Variants in SLC38A8 observed in about 807,000 individuals in gnomAD.
SLC38A8 encodes the protein solute carrier family 38 member 8.
A neutral mutation model predicts 46.0 loss-of-function variants in SLC38A8; 65 were observed. The ratio of observed to expected loss-of-function variants is 1.41; its 90% confidence interval spans 1.16 to 1.74. SLC38A8 has a LOEUF of 1.74. Among genes scored for constraint, SLC38A8 ranks in the 40% most tolerant of loss-of-function variants. The pLI is 0.00. For synonymous variants in SLC38A8, 447 were observed against 243.7 expected, an observed-to-expected ratio of 1.83 and a Z score of -7.77; for missense variants, 998 against 567.9, an observed-to-expected ratio of 1.76 and a Z score of -7.70.
chr16:84,012,509 C>T (rs1465487340), intron 10 of SLC38A8, among the ~76,000 whole-genome samples: 1 of 152,184 alleles, frequency 6.6e-6, no homozygotes, highest in Non-Finnish European at 1.5e-5. Context: ...CATCCGGGCC[C>T]GCCTCCTCAG....
At chr16:84,023,356 G>A (rs141714575) in intron 6 of SLC38A8, among the ~76,000 whole-genome samples, 1 of 152,108 alleles carries the variant, frequency 6.6e-6, no homozygotes, top group Admixed American at 6.6e-5. Flanking sequence ...CTTTGCTCGG[G>A]TGTGCTCTGA....
intron 5 of SLC38A8, among the ~76,000 whole-genome samples, chr16:84,031,603 C>T (rs1426259314): frequency 6.6e-6 from 1 of 152,242 alleles, no homozygotes; most frequent in Non-Finnish European, 1.5e-5. Flanking sequence ...TCTGCAATAA[C>T]CTATGACCCC....
chr16:84,042,977 C>T (rs1055554297), upstream of SLC38A8, among the ~76,000 whole-genome samples: 5 of 152,164 alleles, frequency 3.3e-5, no homozygotes, highest in Admixed American at 1.3e-4. Context: ...GCTTCTGCAG[C>T]GCCTCCATCC....
chr16:84,009,808 C>T lies in SLC38A8; in HGVS notation c.1284G>A (p.Ala428=), dbSNP rs140069328. ...ATCAGAACATCTCCCAGACCGCTGCCGCCGTGCTCTGCCCAAAGATGAAGG... is the reference window on the plus strand; with the variant it reads ...ATCAGAACATCTCCCAGACCGCTGCTGCCGTGCTCTGCCCAAAGATGAAGG... ...VGTFIFGQST[A]AAVWEMF The change falls in exon 11 of 11, where the codon GCG becomes GCA. Residue 428 remains alanine (A), a synonymous_variant. Transcript: ENST00000299709. The T allele has an allele frequency of 3.8e-5, 62 of 1,613,902 alleles. No individual in the cohort carries two copies. Among genetic ancestry groups the T allele is most frequent in the Non-Finnish European group, 4.8e-5 (57 of 1,179,948 alleles).
At chr16:84,015,798 C>T (rs181769574) in intron 9 of SLC38A8, among the ~76,000 whole-genome samples, 4 of 152,260 alleles carry the variant, frequency 2.6e-5, no homozygotes, top group South Asian at 2.1e-4. Context: ...CTCCGCCTCC[C>T]GGGTTCAAGT....
intron 5 of SLC38A8, among the ~76,000 whole-genome samples, chr16:84,030,332 C>A (rs1464708415): frequency 2.0e-5 from 3 of 152,154 alleles, no homozygotes; most frequent in South Asian, 2.1e-4. Flanking sequence ...CCTAACTCAT[C>A]ACCTCCTGTT....
In SLC38A8 at chr16:84,033,393, C is replaced by A; in HGVS notation, c.465G>T (p.Leu155=). The stretch of plus-strand genomic sequence containing the variant: ...GGGGCAGGATGACCAGCACGGAGAG[C>A]AGGGGCAGGGTGAAGCGCTGGTCTG... ...WYADQRFTLP[L]LSVLVILPLS... Residue 155 remains leucine, a synonymous_variant, in exon 4 of 11, where the codon CTG becomes CTT. Coordinates refer to ENST00000299709, the MANE Select transcript of SLC38A8 (RefSeq NM_001080442.3). The A allele has an allele frequency of 1.2e-6, 2 of 1,613,916 alleles. No homozygotes were observed. The highest frequency in any genetic ancestry group is 1.7e-6 in the Non-Finnish European group (2 of 1,179,944).
chr16:84,016,341 A>C (rs573856248), intron 9 of SLC38A8, among the ~76,000 whole-genome samples, 178 bp downstream of exon 9: 1 of 152,336 alleles, frequency 6.6e-6, no homozygotes, highest in African/African-American at 2.4e-5. Flanking sequence ...GAGTGAGGGA[A>C]GGTATGTAAA....
At chr16:84,039,747 A>ACC (rs2085346698) in intron 2 of SLC38A8, among the ~76,000 whole-genome samples, 3 of 75,068 alleles carry the variant, frequency 4.0e-5, no homozygotes, top group Non-Finnish European at 5.2e-5. Context: ...GACCTTCAAA[A>ACC]AAAAAAAAAA....
At chr16:84,014,957 T>A (rs542428999) in intron 9 of SLC38A8, among the ~76,000 whole-genome samples, 1 of 152,248 alleles carries the variant, frequency 6.6e-6, no homozygotes, top group Non-Finnish European at 1.5e-5. Context: ...ATGCCCCCAT[T>A]CGAGTTTTGG....
intron 10 of SLC38A8, 150 bp downstream of exon 10, chr16:84,012,851 T>G: frequency 2.3e-6 from 2 of 872,308 alleles, no homozygotes; most frequent in Non-Finnish European, 3.6e-6. Flanking sequence ...GCCCTCATAC[T>G]GGGTAGACAG....
At chr16:84,016,428 T>A (rs2085026068) in intron 9 of SLC38A8, 91 bp downstream of exon 9, 4 of 1,457,766 alleles carry the variant, frequency 2.7e-6, no homozygotes, top group Non-Finnish European at 2.8e-6. Context: ...GCTCCCACCT[T>A]CCAGAACCTT....
intron 6 of SLC38A8, among the ~76,000 whole-genome samples, chr16:84,028,850 T>G (rs2085200614): frequency 6.6e-6 from 1 of 152,152 alleles, no homozygotes; most frequent in East Asian, 1.9e-4. Flanking sequence ...ACCTGGCTGC[T>G]GCCCATACAT....
rs369234980 is a variant in SLC38A8, at chr16:84,009,809, G to A, written c.1283C>T (p.Ala428Val). 34 of 1,613,820 alleles carry A rather than the reference G, an allele frequency of 2.1e-5. No homozygotes were observed. Among genetic ancestry groups the A allele is most frequent in the Middle Eastern group, 1.6e-4 (1 of 6,084 alleles). Residue 428 changes from alanine to valine, a missense_variant, in exon 11 of 11, where the codon GCG becomes GTG. By Grantham distance (64) the Ala-to-Val change is moderately conservative. Transcript: ENST00000299709. ...VGTFIFGQST[A>V]AAVWEMF is the part of the protein sequence containing the mutation. ...TCAGAACATCTCCCAGACCGCTGCC[G>A]CCGTGCTCTGCCCAAAGATGAAGGT...
Position 84,042,131 on chromosome 16 carries a change from C to T in SLC38A8, c.27G>A (p.Arg9=), listed in dbSNP as rs371024899. ...CAGGGTGAGGCTTTTCTGGAAGGCC[C>T]CTGCTTCCTGGGGTCTGTCCCTCCA... MEGQTPGS[R]GLPEKPHPAT... Residue 9 remains arginine, a synonymous_variant, in exon 2 of 11, where the codon AGG becomes AGA. Coordinates refer to ENST00000299709, the MANE Select transcript of SLC38A8 (RefSeq NM_001080442.3). The T allele has an allele frequency of 5.6e-6, 9 of 1,613,278 alleles. No homozygotes were observed. The highest frequency in any genetic ancestry group is 6.8e-6 in the Non-Finnish European group (8 of 1,179,662).
intron 9 of SLC38A8, among the ~76,000 whole-genome samples, chr16:84,014,467 G>A (rs950091593): frequency 2.6e-5 from 4 of 151,566 alleles, no homozygotes; most frequent in Non-Finnish European, 5.9e-5. Context: ...CAGAGTCGAG[G>A]GAGGAGCTGT....
Position 84,036,906 on chromosome 16 carries a change from G to A in SLC38A8, c.190-6C>T, listed in dbSNP as rs776193533. On this transcript the variant is annotated splice_polypyrimidine_tract_variant and splice_region_variant and intron_variant, in intron 2 of 10. Coordinates refer to ENST00000299709, the MANE Select transcript of SLC38A8 (RefSeq NM_001080442.3). ...ATCAGGAAGACCAACGAGACCTGCG[G>A]AGAAGGAGCAGGACCTGGAACTGGG... 1 of 1,607,310 alleles carries A rather than the reference G, an allele frequency of 6.2e-7. No individual in the cohort carries two copies. Among genetic ancestry groups the A allele is most frequent in the African/African-American group, 1.3e-5 (1 of 74,852 alleles).
At chr16:84,037,034 G>A (rs1461027107) in intron 2 of SLC38A8, 134 bp from the exon 3 acceptor site, 8 of 868,226 alleles carry the variant, frequency 9.2e-6, no homozygotes, top group East Asian at 5.3e-5. Flanking sequence ...CATGGGGTTG[G>A]CAGTCTACCA....
chr16:84,036,479 A>C (rs1469266760), intron 3 of SLC38A8, among the ~76,000 whole-genome samples: 1 of 152,252 alleles, frequency 6.6e-6, no homozygotes, highest in Non-Finnish European at 1.5e-5. Context: ...AATTGCAGCC[A>C]CAACCTCTCT....
Sources: gnomAD v4.1 joint callset for allele counts (sites outside exome capture counted in the v4.1 genomes callset) on GRCh38, gnomAD v4.1.1 for gene constraint, MANE v1.5 for transcripts, NCBI Gene and HGNC (gene_info 2026-07-23, HGNC 2026-07-21) for gene names.